PTPRD: variants seen among roughly 807,000 people sequenced by gnomAD.
The protein encoded by PTPRD is receptor-type tyrosine-protein phosphatase delta.
Under a neutral mutation model 214.5 loss-of-function variants are expected in PTPRD, and 34 were observed. The observed-to-expected ratio is 0.16, with a 90% CI of 0.12 to 0.21. The LOEUF (loss-of-function observed/expected upper bound fraction) is 0.21, where lower values mean the gene tolerates loss of function less well. Among genes scored for constraint, PTPRD ranks in the 10% least tolerant of loss-of-function variants. The pLI is 1.00. For synonymous variants in PTPRD, 1,128 were observed against 845.7 expected, an observed-to-expected ratio of 1.33 and a Z score of -5.79; for missense variants, 2,545 against 2,398.7, an observed-to-expected ratio of 1.06 and a Z score of -1.27.
chr9:8,586,138 A>G (rs1473965239), intron 14 of PTPRD, among the ~76,000 whole-genome samples: 1 of 152,146 alleles, frequency 6.6e-6, no homozygotes, highest in Non-Finnish European at 1.5e-5. Flanking sequence ...CATCTCTATT[A>G]AAAATACAAA....
chr9:9,418,275 T>C (rs1417800963), intron 8 of PTPRD, among the ~76,000 whole-genome samples: 1 of 152,070 alleles, frequency 6.6e-6, no homozygotes, highest in African/African-American at 2.4e-5. Context: ...CTGGGTTTTC[T>C]GCTTAGGCAT....
chr9:9,041,795 G>A (rs556903173), intron 10 of PTPRD, among the ~76,000 whole-genome samples: 20 of 152,288 alleles, frequency 1.3e-4, no homozygotes, highest in Non-Finnish European at 2.6e-4. Context: ...TGACATGCTC[G>A]AGCTGGAAGG....
At chr9:10,461,670 T>C (rs760247548) in intron 2 of PTPRD, among the ~76,000 whole-genome samples, 49 of 151,684 alleles carry the variant, frequency 3.2e-4, no homozygotes, top group African/African-American at 1.1e-3. Context: ...TCTCCCAGGC[T>C]GGAGTGCAGT....
intron 9 of PTPRD, among the ~76,000 whole-genome samples, chr9:9,368,691 C>T (rs1210505484): frequency 6.6e-6 from 1 of 151,730 alleles, no homozygotes; most frequent in South Asian, 2.1e-4. Context: ...TAAATATGAA[C>T]CTAGGGTAGG....
Position 8,524,944 on chromosome 9 carries a change from A to G in PTPRD, c.660T>C (p.Pro220=), listed in dbSNP as rs778807635. ...TCCTACCTCTGACATATAAATTGGC[A>G]GGAGCGGAATAGCGAGTGCCCGCGC... ...TNSAGTRYSA[P]ANLYVRELRE... is the part of the protein sequence containing the mutation. The change falls in exon 18 of 46, where the codon CCT becomes CCC. Residue 220 remains proline (P), a synonymous_variant. Coordinates refer to ENST00000381196, the MANE Select transcript of PTPRD (RefSeq NM_002839.4). 6.2e-7 allele frequency: 1 copy of G among 1,613,652 alleles called. No homozygotes were observed. Among genetic ancestry groups the G allele is most frequent in the Non-Finnish European group, 8.5e-7 (1 of 1,179,668 alleles).
chr9:10,057,868 A>C (rs2097688048), intron 3 of PTPRD, among the ~76,000 whole-genome samples: 1 of 151,740 alleles, frequency 6.6e-6, no homozygotes, highest in African/African-American at 2.4e-5. Flanking sequence ...AAAACAAAAA[A>C]AAAGTGAGTA....
intron 14 of PTPRD, among the ~76,000 whole-genome samples, chr9:8,581,368 G>C (rs2093065976): frequency 6.6e-6 from 1 of 152,270 alleles, no homozygotes; most frequent in Admixed American, 6.5e-5. Flanking sequence ...CTCATTGTTT[G>C]AACACAGTAA....
At chr9:10,088,310 A>G (rs1047720001) in intron 3 of PTPRD, among the ~76,000 whole-genome samples, 2 of 151,756 alleles carry the variant, frequency 1.3e-5, no homozygotes, top group African/African-American at 2.4e-5. Flanking sequence ...TGTAATTGGA[A>G]TTTCCAGCTG....
In PTPRD at chr9:8,326,177, G is replaced by A. The variant is rs903753795; in HGVS notation, c.5534+5405C>T. 2.0e-5 allele frequency among the ~76,000 whole-genome samples: 3 copies of A among 152,158 alleles called. No individual in the cohort carries two copies. The East Asian group carries it at 5.8e-4, about 29-fold the overall frequency. On this transcript the variant is annotated intron_variant, in intron 44 of 45. Coordinates refer to ENST00000381196, the MANE Select transcript of PTPRD (RefSeq NM_002839.4). ...TTCAAAGGGAGTGCTTCCAGTTTTT[G>A]CCCATTCTGTAGGATAGTGGCTGTG...
intron 14 of PTPRD, among the ~76,000 whole-genome samples, chr9:8,530,070 G>T (rs938770810): frequency 1.3e-5 from 2 of 151,906 alleles, no homozygotes; most frequent in African/African-American, 4.8e-5. Context: ...CTTCTCCTTG[G>T]GTGCCTCCTA....
At chr9:9,450,364 A>T (rs1246098946) in intron 8 of PTPRD, among the ~76,000 whole-genome samples, 1 of 152,042 alleles carries the variant, frequency 6.6e-6, no homozygotes, top group East Asian at 1.9e-4. Context: ...CAGTGGTTGT[A>T]CTAGCAACAT....
At chr9:10,160,421 C>G (rs1254148775) in intron 3 of PTPRD, among the ~76,000 whole-genome samples, 1 of 152,006 alleles carries the variant, frequency 6.6e-6, no homozygotes, top group East Asian at 1.9e-4. Flanking sequence ...CCCAACCTTT[C>G]AAGAAGAATG....
At position 9,408,180 on chromosome 9, in the gene PTPRD, G is replaced by GT. The variant is rs1315995974; in HGVS notation, c.-236-10699dup. On this transcript the variant is annotated intron_variant, in intron 8 of 45. Coordinates refer to ENST00000381196, the MANE Select transcript of PTPRD (RefSeq NM_002839.4). The stretch of plus-strand genomic sequence containing the variant: ...CATTACTGATGCTTCTCACAACTTT[G>GT]TTTTTGTTTTTCATTGTTTTCTTAA... Among the ~76,000 whole-genome samples, 7 of 151,788 alleles carry GT rather than the reference G, an allele frequency of 4.6e-5. No individual in the cohort carries two copies. The East Asian group carries it at 1.4e-3, about 29-fold the overall frequency.
chr9:9,413,058 C>T (rs1393697744), intron 8 of PTPRD, among the ~76,000 whole-genome samples: 1 of 146,460 alleles, frequency 6.8e-6, no homozygotes. Context: ...GTGATGAGGA[C>T]AGTCATTTTG....
intron 8 of PTPRD, among the ~76,000 whole-genome samples, chr9:9,443,197 A>C (rs1362304654): frequency 6.6e-6 from 1 of 152,170 alleles, no homozygotes; most frequent in African/African-American, 2.4e-5. Flanking sequence ...CTAAAACATA[A>C]TGGAAGTATT....
At chr9:10,590,467 C>A (rs1427654484) in intron 2 of PTPRD, among the ~76,000 whole-genome samples, 1 of 151,952 alleles carries the variant, frequency 6.6e-6, no homozygotes, top group Non-Finnish European at 1.5e-5. Context: ...TATAGTCAAT[C>A]TTCCACATCT....
At chr9:9,329,161 G>A (rs775707253) in intron 9 of PTPRD, among the ~76,000 whole-genome samples, 11 of 151,906 alleles carry the variant, frequency 7.2e-5, no homozygotes, top group African/African-American at 1.5e-4. Flanking sequence ...TAATGACAAC[G>A]AGAGTCATCC....
chr9:10,595,174 A>G (rs1415155244), intron 2 of PTPRD, among the ~76,000 whole-genome samples: 1 of 151,980 alleles, frequency 6.6e-6, no homozygotes, highest in East Asian at 1.9e-4. Context: ...ATCCATTAAC[A>G]TATTATTGTG....
At chr9:9,389,317 C>A (rs1211193886) in intron 9 of PTPRD, among the ~76,000 whole-genome samples, 1 of 152,090 alleles carries the variant, frequency 6.6e-6, no homozygotes, top group Non-Finnish European at 1.5e-5. Flanking sequence ...TTGAGACCAG[C>A]CTGACCAACA....
Sources: gnomAD v4.1 joint callset for allele counts (sites outside exome capture counted in the v4.1 genomes callset) on GRCh38, gnomAD v4.1.1 for gene constraint, MANE v1.5 for transcripts, NCBI Gene and HGNC (gene_info 2026-07-23, HGNC 2026-07-21) for gene names.